The following CNTNAP2 variants were observed in gnomAD, a reference collection of about 807,000 sequenced individuals.
The protein encoded by CNTNAP2 is contactin-associated protein-like 2.
Under a neutral mutation model 155.2 loss-of-function variants are expected in CNTNAP2, and 98 were observed. That is an observed-to-expected ratio of 0.63 (90% confidence interval 0.54 to 0.75). The LOEUF (loss-of-function observed/expected upper bound fraction) is 0.75. Among genes scored for constraint, CNTNAP2 ranks in the 30% least tolerant of loss-of-function variants. The pLI, the probability that CNTNAP2 is intolerant of heterozygous loss-of-function variation, is 0.00. For synonymous variants in CNTNAP2, 651 were observed against 631.2 expected, an observed-to-expected ratio of 1.03 and a Z score of -0.47; for missense variants, 1,727 against 1,688.1, an observed-to-expected ratio of 1.02 and a Z score of -0.40.
At chr7:146,508,773 T>C (rs1179687909) in intron 1 of CNTNAP2, among the ~76,000 whole-genome samples, 3 of 152,202 alleles carry the variant, frequency 2.0e-5, no homozygotes, top group African/African-American at 7.2e-5. Flanking sequence ...CTGGAATTGG[T>C]GATTCAGGGA....
chr7:146,159,167 A>C (rs1584778523), intron 1 of CNTNAP2, among the ~76,000 whole-genome samples: 1 of 152,150 alleles, frequency 6.6e-6, no homozygotes, highest in East Asian at 1.9e-4. Flanking sequence ...GAGAAATAAA[A>C]TCCTTTACAG....
At chr7:147,909,159 TGAG>T (rs922960235) in intron 14 of CNTNAP2, among the ~76,000 whole-genome samples, 1 of 152,038 alleles carries the variant, frequency 6.6e-6, no homozygotes, top group Non-Finnish European at 1.5e-5. Context: ...ACAGTAGAAA[TGAG>T]GAGTAGAAAG....
chr7:146,519,718 G>A (rs980265443), intron 1 of CNTNAP2, among the ~76,000 whole-genome samples: 4 of 151,854 alleles, frequency 2.6e-5, no homozygotes, highest in African/African-American at 4.8e-5. Flanking sequence ...AAACAGACAC[G>A]CAGGGGAGGA....
intron 1 of CNTNAP2, among the ~76,000 whole-genome samples, chr7:146,309,500 C>T (rs996280331): frequency 8.5e-5 from 13 of 152,056 alleles, no homozygotes; most frequent in African/African-American, 2.9e-4. Flanking sequence ...AATCAGACTT[C>T]TGTTAAGAAA....
chr7:148,397,915 G>A (rs76389988), intron 22 of CNTNAP2, among the ~76,000 whole-genome samples: 56 of 152,296 alleles, frequency 3.7e-4, no homozygotes, highest in African/African-American at 1.2e-3. Context: ...CTCAAGAAGA[G>A]AACAGCTCAG....
chr7:147,276,435 G>A (rs1486386502), intron 8 of CNTNAP2, among the ~76,000 whole-genome samples: 1 of 151,986 alleles, frequency 6.6e-6, no homozygotes, highest in Non-Finnish European at 1.5e-5. Context: ...ATGTTTGTAA[G>A]TTGAATTAAA....
chr7:148,046,723 A>C (rs1479790484), intron 15 of CNTNAP2, among the ~76,000 whole-genome samples: 1 of 152,236 alleles, frequency 6.6e-6, no homozygotes, highest in Non-Finnish European at 1.5e-5. Context: ...GCATTTAATT[A>C]GTATTTATAA....
At chr7:146,879,191 T>A (rs1442487841) in intron 3 of CNTNAP2, among the ~76,000 whole-genome samples, 2 of 152,184 alleles carry the variant, frequency 1.3e-5, no homozygotes, top group Non-Finnish European at 2.9e-5. Context: ...GCATACTTGA[T>A]TTGATTTACT....
intron 21 of CNTNAP2, among the ~76,000 whole-genome samples, chr7:148,321,887 A>G (rs965373707): frequency 6.6e-6 from 1 of 151,484 alleles, no homozygotes; most frequent in Non-Finnish European, 1.5e-5. Flanking sequence ...TCTTAGAACT[A>G]TAAATTCTTC....
chr7:147,749,709 G>A (rs1303639608), intron 13 of CNTNAP2, among the ~76,000 whole-genome samples: 2 of 152,252 alleles, frequency 1.3e-5, no homozygotes, highest in South Asian at 4.1e-4. Context: ...GCCATAGCAA[G>A]TATATGTTTT....
intron 21 of CNTNAP2, among the ~76,000 whole-genome samples, chr7:148,358,883 T>C (rs141107184): frequency 6.8e-4 from 103 of 152,300 alleles, no homozygotes; most frequent in African/African-American, 1.7e-3. Flanking sequence ...AAATGTGCAC[T>C]TAAGACATCA....
intron 1 of CNTNAP2, among the ~76,000 whole-genome samples, chr7:146,576,162 A>G (rs1212253107): frequency 6.6e-6 from 1 of 152,196 alleles, no homozygotes; most frequent in African/African-American, 2.4e-5. Context: ...TCATGAATGG[A>G]TAATTTGGGA....
chr7:148,348,162 GCCAC>G (rs1461986279), intron 21 of CNTNAP2, among the ~76,000 whole-genome samples: 1 of 152,094 alleles, frequency 6.6e-6, no homozygotes, highest in Non-Finnish European at 1.5e-5. Context: ...TCTGCTCCCG[GCCAC>G]CCATCCGTCT....
chr7:146,591,352 G>C (rs1340011392), intron 1 of CNTNAP2, among the ~76,000 whole-genome samples: 1 of 143,846 alleles, frequency 7.0e-6, no homozygotes, highest in Non-Finnish European at 1.5e-5. Flanking sequence ...AAAACAATAG[G>C]TTCTTCAAAG....
chr7:147,934,393 A>G (rs1220724932), intron 14 of CNTNAP2, among the ~76,000 whole-genome samples: 1 of 152,190 alleles, frequency 6.6e-6, no homozygotes, highest in Non-Finnish European at 1.5e-5. Flanking sequence ...GAACTTGTGC[A>G]GGGGAACTCC....
chr7:147,527,011 A>ATTTTT (rs1562981271), intron 11 of CNTNAP2, among the ~76,000 whole-genome samples: 3 of 81,624 alleles, frequency 3.7e-5, no homozygotes, highest in African/African-American at 2.3e-4. Flanking sequence ...GAAGACAGGC[A>ATTTTT]TTTCTTTTTT....
chr7:146,566,676 G>T (rs974808543), intron 1 of CNTNAP2, among the ~76,000 whole-genome samples: 23 of 151,572 alleles, frequency 1.5e-4, no homozygotes, highest in African/African-American at 5.3e-4. Context: ...CAGCCTGGGC[G>T]ACAGAGCAAG....
At chr7:147,834,166 T>C (rs1798598025) in intron 13 of CNTNAP2, among the ~76,000 whole-genome samples, 1 of 152,216 alleles carries the variant, frequency 6.6e-6, no homozygotes, top group South Asian at 2.1e-4. Context: ...ACCCTTTTTC[T>C]TGTAGTGCAA....
chr7:147,406,212 AG>A (rs1449276683), intron 10 of CNTNAP2, among the ~76,000 whole-genome samples: 2 of 147,202 alleles, frequency 1.4e-5, no homozygotes, highest in African/African-American at 5.1e-5. Flanking sequence ...AGGAGAGGAG[AG>A]GAGGGGAGGA....
Sources: gnomAD v4.1 joint callset for allele counts (sites outside exome capture counted in the v4.1 genomes callset) on GRCh38, gnomAD v4.1.1 for gene constraint, MANE v1.5 for transcripts, NCBI Gene and HGNC (gene_info 2026-07-23, HGNC 2026-07-21) for gene names.